Variants in NAXD observed in about 807,000 individuals in gnomAD.
The protein encoded by NAXD is NAD(P)HX dehydratase, also known as ATP-dependent (S)-NAD(P)H-hydrate dehydratase.
In NAXD, 22 loss-of-function variants were observed where a neutral mutation model predicts 35.8. That is an observed-to-expected ratio of 0.62 (90% CI 0.44 to 0.88). The LOEUF (loss-of-function observed/expected upper bound fraction) is 0.88. Among genes scored for constraint, NAXD ranks in the 40% least tolerant of loss-of-function variants. NAXD has a pLI of 0.00. For missense variants in NAXD, 428 were observed against 437.7 expected (o/e 0.98, Z 0.20); for synonymous variants, 189 against 177.6 (o/e 1.06, Z -0.51).
intron 5 of NAXD, among the ~76,000 whole-genome samples, chr13:110,633,402 C>T (rs559018540): frequency 3.3e-5 from 5 of 152,332 alleles, no homozygotes; most frequent in African/African-American, 7.2e-5. Flanking sequence ...AGTTCCCGCT[C>T]GCGCCTCTCC....
chr13:110,633,754 T>C (rs1229507663), intron 5 of NAXD, among the ~76,000 whole-genome samples: 4 of 141,342 alleles, frequency 2.8e-5, no homozygotes, highest in Non-Finnish European at 6.0e-5. Context: ...TATCTATACA[T>C]GTAGTTTTTT....
intron 5 of NAXD, among the ~76,000 whole-genome samples, chr13:110,629,398 C>G (rs1886623617): frequency 6.6e-6 from 1 of 152,230 alleles, no homozygotes; most frequent in Non-Finnish European, 1.5e-5. Flanking sequence ...GCAACCATCA[C>G]CATGATCAAC....
At chr13:110,633,674 G>C (rs1886807777) in intron 5 of NAXD, among the ~76,000 whole-genome samples, 1 of 151,090 alleles carries the variant, frequency 6.6e-6, no homozygotes, top group South Asian at 2.1e-4. Flanking sequence ...TGCTACTGCA[G>C]TGTATAATCT....
Position 110,615,563 on chromosome 13 carries a change from G to A in NAXD, c.-39G>A, listed in dbSNP as rs1886009134. 2.2e-6 allele frequency: 3 copies of A among 1,335,584 alleles called. No individual in the cohort carries two copies. The highest frequency in any genetic ancestry group is 3.6e-5 in the South Asian group (2 of 54,814). 82.7% of individuals were successfully genotyped at this position (1,335,584 alleles called of 1,614,324 possible). A position where few individuals can be genotyped will look rare whatever the true frequency, so the allele number is the denominator to read the frequency against. On this transcript the variant is annotated 5_prime_UTR_variant, in exon 1 of 10. Coordinates refer to ENST00000680254, the MANE Select transcript of NAXD (RefSeq NM_001242882.2). ...CGCTTCCAATGGCTGTGTTTCCGGC[G>A]ACGGCGCGGGGGCAGCTGGGAATCC...
At chr13:110,633,491 G>A (rs1407028528) in intron 5 of NAXD, among the ~76,000 whole-genome samples, 1 of 152,258 alleles carries the variant, frequency 6.6e-6, no homozygotes, top group African/African-American at 2.4e-5. Context: ...GTGCAGTGGT[G>A]GGCTGAAGGG....
intron 1 of NAXD, 71 bp downstream of exon 1, chr13:110,615,718 TC>T (rs748036958): frequency 2.0e-6 from 3 of 1,513,612 alleles, no homozygotes; most frequent in Non-Finnish European, 2.6e-6. Context: ...GCCGGCGCGG[TC>T]GTTGTCGCAT....
chr13:110,615,539 G>C (rs1428971277), upstream of NAXD: 1 of 1,322,842 alleles, frequency 7.6e-7, no homozygotes, highest in Non-Finnish European at 9.7e-7. Flanking sequence ...ACCGGAAAAC[G>C]CTTCCAATGG....
rs142434136 is a variant in NAXD at position 110,619,218 on chromosome 13, A to T, written c.47-2998A>T. ...ATGGTATTTGCCCTTTTTGATATAA[A>T]CATTAAATATTTCATACCTCACCTA... On this transcript the variant is annotated intron_variant, in intron 1 of 9. Transcript: ENST00000680254. 1.9e-3 allele frequency among the ~76,000 whole-genome samples: 283 copies of T among 152,336 alleles called. 2 individuals carry two copies. The highest frequency in any genetic ancestry group is 7.9e-4 in the Non-Finnish European group (54 of 68,026).
chr13:110,633,799 A>T (rs1337332412), intron 5 of NAXD, among the ~76,000 whole-genome samples: 4 of 152,196 alleles, frequency 2.6e-5, no homozygotes, highest in Admixed American at 2.6e-4. Context: ...CCTTCACTGT[A>T]ATCCTATCAG....
intron 5 of NAXD, among the ~76,000 whole-genome samples, chr13:110,627,796 C>T (rs1371489460): frequency 1.3e-5 from 2 of 152,180 alleles, no homozygotes; most frequent in Non-Finnish European, 2.9e-5. Flanking sequence ...TGTGGAGTTG[C>T]TCAGTTGTTT....
At chr13:110,636,850 C>G (rs1296265813) in intron 8 of NAXD, among the ~76,000 whole-genome samples, 1 of 152,212 alleles carries the variant, frequency 6.6e-6, no homozygotes, top group African/African-American at 2.4e-5. Flanking sequence ...TGAGGCGGTT[C>G]CGAGCTGCAG....
At position 110,624,246 on chromosome 13, in the gene NAXD, C is replaced by G. The variant is rs1207813865; in HGVS notation, c.210C>G (p.Ala70=). ...VVGGCQEYTG[A]PYFAAISALK... ...ACCTTCTTTTTAGGTACACTGGAGC[C>G]CCATATTTTGCAGCAATCTCAGCTC... The change falls in exon 3 of 10, where the codon GCC becomes GCG. Residue 70 remains alanine, a synonymous_variant. Coordinates refer to ENST00000680254, the MANE Select transcript of NAXD (RefSeq NM_001242882.2). 6.2e-7 allele frequency: 1 copy of G among 1,608,586 alleles called. No individual in the cohort carries two copies. The highest frequency in any genetic ancestry group is 8.5e-7 in the Non-Finnish European group (1 of 1,175,936).
At position 110,628,509 on chromosome 13, in the gene NAXD, T is replaced by G. The variant is rs569464282; in HGVS notation, c.441+962T>G. 1.1e-4 allele frequency among the ~76,000 whole-genome samples: 16 copies of G among 152,246 alleles called. No homozygotes were observed. The South Asian group carries it at 3.1e-3, about 30-fold the overall frequency. On this transcript the variant is annotated intron_variant, in intron 5 of 9. Coordinates refer to ENST00000680254, the MANE Select transcript of NAXD (RefSeq NM_001242882.2). This position sits in a 1 kb window ranked among gnomAD's most constrained non-coding sequence, Gnocchi z 4.1. ...ATCTGCATGGCACTCTGTTGGGTGC[T>G]TAGTTAATGGAGGGGTCTCTGAGGC...
chr13:110,622,039 A>G (rs1886286896), intron 1 of NAXD, among the ~76,000 whole-genome samples, 177 bp from the exon 2 acceptor site: 1 of 120,164 alleles, frequency 8.3e-6, no homozygotes, highest in South Asian at 2.3e-4. Context: ...CAAAAAAGAA[A>G]AAAAAAATTG....
In NAXD at chr13:110,634,516, G is replaced by A. The variant is rs1490413175; in HGVS notation, c.442-29G>A. ...TACCCACACCATAGCAGCAGGCATG[G>A]TGCTCAGTCTGGTTTTCTCTTCTGG... On this transcript the variant is annotated intron_variant, in intron 5 of 9. Coordinates refer to ENST00000680254, the MANE Select transcript of NAXD (RefSeq NM_001242882.2). 1.9e-6 allele frequency: 3 copies of A among 1,612,034 alleles called. No homozygotes were observed. In the Admixed American group the frequency reaches 5.0e-5, roughly 27 times the overall value.
At position 110,633,312 on chromosome 13, in the gene NAXD, C is replaced by T. The variant is rs373751544; in HGVS notation, c.442-1233C>T. Among the ~76,000 whole-genome samples the T allele has an allele frequency of 9.5e-4, 144 of 151,732 alleles. 2 individuals carry two copies. The East Asian group carries it at 0.011, about 12-fold the overall frequency. ...ATTGCCCCGGGCCAGCAGGGCTGGC[C>T]GGCTGCTCCGAGTGCGGGGCCCGCC... is the stretch of plus-strand genomic sequence containing the variant. On this transcript the variant is annotated intron_variant, in intron 5 of 9. Coordinates refer to ENST00000680254, the MANE Select transcript of NAXD (RefSeq NM_001242882.2).
In NAXD at chr13:110,621,709, A is replaced by G. The variant is rs897763596; in HGVS notation, c.47-507A>G. On this transcript the variant is annotated intron_variant, in intron 1 of 9. Transcript: ENST00000680254. ...GACTCTGTCTCAAATAAATAAATAA[A>G]TAGCATGTGTTACTATATGTGTTAA... Among the ~76,000 whole-genome samples the G allele has an allele frequency of 2.7e-5, 4 of 150,064 alleles. No individual in the cohort carries two copies. The Admixed American group carries it at 2.7e-4, about 10-fold the overall frequency.
intron 7 of NAXD, 148 bp downstream of exon 7, chr13:110,634,924 C>T: frequency 1.5e-6 from 1 of 665,482 alleles, no homozygotes; most frequent in Non-Finnish European, 2.7e-6. Context: ...GGCGCGTCTT[C>T]CCATTAATGC....
At chr13:110,634,511 G>C (rs775218565) in intron 5 of NAXD, 34 bp from the exon 6 acceptor site, 8 of 1,603,510 alleles carry the variant, frequency 5.0e-6, no homozygotes, top group East Asian at 2.2e-5. Context: ...ATAGCAGCAG[G>C]CATGGTGCTC....
Sources: gnomAD v4.1 joint callset for allele counts (sites outside exome capture counted in the v4.1 genomes callset) on GRCh38, gnomAD v4.1.1 for gene constraint, Gnocchi (gnomAD v3.1) non-coding constraint, MANE v1.5 for transcripts, NCBI Gene and HGNC (gene_info 2026-07-23, HGNC 2026-07-21) for gene names.